The following ZMPSTE24 variants were observed in gnomAD, a reference collection of about 807,000 sequenced individuals.
The protein encoded by ZMPSTE24 is CAAX prenyl protease 1 homolog.
Under a neutral mutation model 56.7 loss-of-function variants are expected in ZMPSTE24, and 48 were observed. The ratio of observed to expected loss-of-function variants is 0.85; its 90% CI spans 0.67 to 1.08. ZMPSTE24 has a LOEUF of 1.08. Among genes scored for constraint, ZMPSTE24 ranks in the 50% least tolerant of loss-of-function variants. The pLI is 0.00. For missense variants in ZMPSTE24, 503 were observed against 548.7 expected (o/e 0.92, Z 0.83); for synonymous variants, 172 against 195.2 (o/e 0.88, Z 0.99).
intron 6 of ZMPSTE24, among the ~76,000 whole-genome samples, chr1:40,272,416 C>T (rs1361323356): frequency 6.6e-6 from 1 of 152,148 alleles, no homozygotes; most frequent in Non-Finnish European, 1.5e-5. Flanking sequence ...CTTGAATAGT[C>T]AAATTCTGTT....
At chr1:40,261,614 T>C (rs1366117274) in intron 2 of ZMPSTE24, among the ~76,000 whole-genome samples, 1 of 152,250 alleles carries the variant, frequency 6.6e-6, no homozygotes, top group Admixed American at 6.5e-5. Flanking sequence ...TTAAGTCTTG[T>C]TCATCATTTT....
intron 6 of ZMPSTE24, among the ~76,000 whole-genome samples, chr1:40,278,375 G>T (rs1026535110): frequency 6.6e-6 from 1 of 151,534 alleles, no homozygotes; most frequent in Non-Finnish European, 1.5e-5. Flanking sequence ...TGGCTAACAC[G>T]GTGAAACCCC....
chr1:40,274,477 T>C (rs768690327), intron 6 of ZMPSTE24, among the ~76,000 whole-genome samples: 20 of 152,208 alleles, frequency 1.3e-4, no homozygotes, highest in Non-Finnish European at 2.5e-4. Flanking sequence ...GGTCATCAGA[T>C]TGAGCTGAGA....
intron 4 of ZMPSTE24, among the ~76,000 whole-genome samples, chr1:40,268,746 A>G (rs1340615324): frequency 6.6e-6 from 1 of 152,112 alleles, no homozygotes; most frequent in Non-Finnish European, 1.5e-5. Context: ...GCAAGGCTAC[A>G]TGTTCGAGGC....
At chr1:40,265,368 A>G (rs545672626) in intron 2 of ZMPSTE24, among the ~76,000 whole-genome samples, 1 of 152,316 alleles carries the variant, frequency 6.6e-6, no homozygotes, top group Admixed American at 6.5e-5. Flanking sequence ...AGATTGAATT[A>G]GTTGTAGTAA....
rs996301433 is a variant in ZMPSTE24, at chr1:40,290,450, ATTTTTTTTTTTT to A, written c.1060-387_1060-376del. ...TACCTTTCTTAAAATCACACTATGA[ATTTTTTTTTTTT>A]TTTTTTTTTTTTTTTTGAGATGGAG... is the stretch of plus-strand genomic sequence containing the variant. On this transcript the variant is annotated intron_variant, in intron 8 of 9. Coordinates refer to ENST00000372759, the MANE Select transcript of ZMPSTE24 (RefSeq NM_005857.5). Among the ~76,000 whole-genome samples the A allele has an allele frequency of 9.7e-5, 8 of 82,590 alleles. 1 individual carries two copies. The highest frequency in any genetic ancestry group is 1.7e-4 in the African/African-American group (3 of 17,216). The allele number at this position is 82,590 out of a possible 152,430, so 54.2% of individuals were successfully genotyped here.
chr1:40,275,518 G>A (rs1192617115), intron 6 of ZMPSTE24, among the ~76,000 whole-genome samples: 2 of 151,872 alleles, frequency 1.3e-5, no homozygotes, highest in African/African-American at 4.8e-5. Flanking sequence ...TTGAGAGGCT[G>A]AGGCAGGTGG....
At chr1:40,264,932 T>C (rs555288386) in intron 2 of ZMPSTE24, among the ~76,000 whole-genome samples, 1 of 147,572 alleles carries the variant, frequency 6.8e-6, no homozygotes, top group African/African-American at 2.5e-5. Flanking sequence ...GTCAAAGCGC[T>C]GGAATTATTT....
At chr1:40,281,827 G>GTATA (rs1343033533) in intron 7 of ZMPSTE24, among the ~76,000 whole-genome samples, 1 of 151,028 alleles carries the variant, frequency 6.6e-6, no homozygotes, top group African/African-American at 2.4e-5. Flanking sequence ...ATATGTGTGT[G>GTATA]TATATATATA....
At position 40,272,049 on chromosome 1, in the gene ZMPSTE24, G is replaced by C; in HGVS notation, c.769+14G>C. On this transcript the variant is annotated intron_variant, in intron 6 of 9. Transcript: ENST00000372759. Reference sequence around the variant, plus strand: ...ATGTTGTGGAAGGTAAGGCTACCTGGGGATAAGAAAGTTTTATCCAAGTGG... The same window carrying C: ...ATGTTGTGGAAGGTAAGGCTACCTGCGGATAAGAAAGTTTTATCCAAGTGG... 6.3e-7 allele frequency: 1 copy of C among 1,584,724 alleles called. No individual in the cohort carries two copies. Among genetic ancestry groups the C allele is most frequent in the Non-Finnish European group, 8.6e-7 (1 of 1,165,622 alleles).
chr1:40,261,650 G>A lies in ZMPSTE24; in HGVS notation c.270+665G>A, dbSNP rs112668508. Among the ~76,000 whole-genome samples, 642 of 152,268 alleles carry A rather than the reference G, an allele frequency of 4.2e-3. 9 individuals are homozygous for A. The highest frequency in any genetic ancestry group is 0.015 in the African/African-American group (603 of 41,548). ...ATACCTAGTGCCTGGCATGTAATCA[G>A]CATATAGTTCCTATTTATTGAATGA... On this transcript the variant is annotated intron_variant, in intron 2 of 9. Coordinates refer to ENST00000372759, the MANE Select transcript of ZMPSTE24 (RefSeq NM_005857.5).
chr1:40,285,874 A>G, intron 7 of ZMPSTE24, 51 bp from the exon 8 acceptor site: 1 of 1,476,032 alleles, frequency 6.8e-7, no homozygotes, highest in Non-Finnish European at 9.3e-7. Context: ...GTTAAAAGAT[A>G]AAACTTTTTA....
rs2124002050 is a variant in ZMPSTE24, at chr1:40,290,879, T to A, written c.1085T>A (p.Leu362Ter). ...SQMNSFLCFF[L>*]FAVLIGRKEL... Reference sequence around the variant, plus strand: ...ATGAATTCTTTCCTGTGTTTTTTTTTATTTGCTGTATTAATTGGTCGAAAG... The same window carrying A: ...ATGAATTCTTTCCTGTGTTTTTTTTAATTTGCTGTATTAATTGGTCGAAAG... Residue 362 changes from leucine (L) to a stop codon, truncating the protein, a stop_gained, in exon 9 of 10, where the codon TTA (leucine) becomes TAA (stop). Coordinates refer to ENST00000372759, the MANE Select transcript of ZMPSTE24 (RefSeq NM_005857.5). LOFTEE classifies it high-confidence loss of function. The A allele has an allele frequency of 6.2e-7, 1 of 1,614,090 alleles. No homozygotes were observed. The highest frequency in any genetic ancestry group is 2.2e-5 in the East Asian group (1 of 44,856).
intron 6 of ZMPSTE24, among the ~76,000 whole-genome samples, chr1:40,274,208 C>T (rs779556671): frequency 8.5e-5 from 13 of 152,252 alleles, no homozygotes; most frequent in East Asian, 3.9e-4. Flanking sequence ...TGTGACTTTG[C>T]GCAACTTAGC....
At chr1:40,273,533 AAAAAATAT>A (rs1168748453) in intron 6 of ZMPSTE24, among the ~76,000 whole-genome samples, 25 of 57,034 alleles carry the variant, frequency 4.4e-4, no homozygotes, top group African/African-American at 2.4e-3. Context: ...AAAAAAAAAA[AAAAAATAT>A]ATATATATAT....
rs1643579138 is a variant in ZMPSTE24, at chr1:40,268,488, C to A, written c.427C>A (p.Leu143Ile). The part of the protein sequence containing the change: ...FSALTGLPWS[L>I]YNTFVIEEKH... ...TGCATTGACTGGTTTGCCATGGAGT[C>A]TTTATAATACTTTTGTGATAGAAGA... The change falls in exon 4 of 10, where the codon CTT (leucine) becomes ATT (isoleucine). Residue 143 changes from leucine to isoleucine, a missense_variant. Leu to Ile is a conservative substitution (Grantham distance 5). Transcript: ENST00000372759. 6.2e-7 allele frequency: 1 copy of A among 1,612,234 alleles called. No homozygotes were observed. The highest frequency in any genetic ancestry group is 1.1e-5 in the South Asian group (1 of 90,926).
intron 5 of ZMPSTE24, among the ~76,000 whole-genome samples, chr1:40,271,318 T>C (rs1643612461): frequency 6.6e-6 from 1 of 152,206 alleles, no homozygotes; most frequent in African/African-American, 2.4e-5. Flanking sequence ...GCTAGTTGGA[T>C]TTACAGGTAT....
chr1:40,268,605 AT>A, intron 4 of ZMPSTE24, 70 bp downstream of exon 4: 8 of 1,006,722 alleles, frequency 7.9e-6, no homozygotes, highest in Non-Finnish European at 1.1e-5. Context: ...TGTACTGTTT[AT>A]AATTTAAACA....
At position 40,273,535 on chromosome 1, in the gene ZMPSTE24, AAAATATATATATATATATATAT is replaced by A. The variant is rs1643635186; in HGVS notation, c.769+1502_769+1523del. 1.5e-4 allele frequency among the ~76,000 whole-genome samples: 7 copies of A among 45,444 alleles called. No individual in the cohort carries two copies. The South Asian group carries it at 6.1e-3, about 40-fold the overall frequency. The allele number at this position is 45,444 out of a possible 152,430, so 29.8% of individuals were successfully genotyped here. Reference sequence around the variant, plus strand: ...TCTGTCTAAAAAAAAAAAAAAAAAAAAAATATATATATATATATATATATATATATATATGTCAGACATTTAG... The same window carrying A: ...TCTGTCTAAAAAAAAAAAAAAAAAAAATATATATATATGTCAGACATTTAG... On this transcript the variant is annotated intron_variant, in intron 6 of 9. Coordinates refer to ENST00000372759, the MANE Select transcript of ZMPSTE24 (RefSeq NM_005857.5).
Sources: gnomAD v4.1 joint callset for allele counts (sites outside exome capture counted in the v4.1 genomes callset) on GRCh38, gnomAD v4.1.1 for gene constraint, MANE v1.5 for transcripts, NCBI Gene and HGNC (gene_info 2026-07-23, HGNC 2026-07-21) for gene names.